The following FAT3 variants were observed in gnomAD, a reference collection of about 807,000 sequenced individuals.
FAT3 encodes the protein FAT atypical cadherin 3.
In FAT3, 95 loss-of-function variants were observed where a neutral mutation model predicts 310.2. The ratio of observed to expected loss-of-function variants is 0.31; its 90% CI spans 0.26 to 0.36. The LOEUF (loss-of-function observed/expected upper bound fraction) is 0.36. Among genes scored for constraint, FAT3 ranks in the 10% least tolerant of loss-of-function variants. The pLI is 1.00. For synonymous variants in FAT3, 2,314 were observed against 2,192.9 expected (o/e 1.06, Z -1.54); for missense variants, 5,408 against 5,715.6 (o/e 0.95, Z 1.74).
At chr11:92,578,356 C>T (rs1938601807) in intron 3 of FAT3, among the ~76,000 whole-genome samples, 1 of 152,052 alleles carries the variant, frequency 6.6e-6, no homozygotes, top group Non-Finnish European at 1.5e-5. Flanking sequence ...TCAGTGACAG[C>T]TTCTATACCC....
At chr11:92,467,338 G>T (rs964768447) in intron 2 of FAT3, among the ~76,000 whole-genome samples, 1 of 152,186 alleles carries the variant, frequency 6.6e-6, no homozygotes, top group South Asian at 2.1e-4. Context: ...GTGATGGTGA[G>T]CATTTTTTCA....
intron 1 of FAT3, among the ~76,000 whole-genome samples, chr11:92,286,047 G>A (rs550870803): frequency 6.6e-6 from 1 of 152,172 alleles, no homozygotes; most frequent in East Asian, 1.9e-4. Context: ...GCTTAAAACA[G>A]CGTGACTCCC....
chr11:92,762,130 C>G lies in FAT3; in HGVS notation c.3944C>G (p.Ser1315Cys), dbSNP rs946709924. ...FIDPKTGMVS[S>C]RKQFTAGSYD... Reference sequence around the variant, plus strand: ...GACCCTAAAACTGGGATGGTTTCTTCTAGAAAGCAGTTTACAGCAGGCAGT... The same window carrying G: ...GACCCTAAAACTGGGATGGTTTCTTGTAGAAAGCAGTTTACAGCAGGCAGT... Residue 1315 changes from serine to cysteine, a missense_variant, in exon 5 of 28, where the codon TCT (serine) becomes TGT (cysteine). Coordinates refer to ENST00000525166, the MANE Select transcript of FAT3 (RefSeq NM_001367949.2). 13 of 1,613,594 alleles carry G rather than the reference C, an allele frequency of 8.1e-6. No individual in the cohort carries two copies. Among genetic ancestry groups the G allele is most frequent in the Non-Finnish European group, 1.0e-5 (12 of 1,179,724 alleles).
chr11:92,659,073 A>T (rs777090469), intron 3 of FAT3, among the ~76,000 whole-genome samples: 1 of 152,144 alleles, frequency 6.6e-6, no homozygotes, highest in African/African-American at 2.4e-5. Context: ...ACTACATGTC[A>T]AGCTGTGTAG....
In FAT3 at chr11:92,560,950, A is replaced by G. The variant is rs78316321; in HGVS notation, c.3607+36002A>G. 5.9e-4 allele frequency among the ~76,000 whole-genome samples: 90 copies of G among 152,342 alleles called. 3 individuals are homozygous for G. The East Asian group carries it at 0.017, about 29-fold the overall frequency. On this transcript the variant is annotated intron_variant, in intron 3 of 27. Transcript: ENST00000525166. ...AGAGTATTTACTGCAAAAACTTTTC[A>G]TACTTTAAAAATGCCAAAAGAAGCT...
chr11:92,724,643 T>C (rs772268914), intron 4 of FAT3, among the ~76,000 whole-genome samples: 2 of 152,222 alleles, frequency 1.3e-5, no homozygotes, highest in Admixed American at 6.5e-5. Flanking sequence ...ATGAAGATGA[T>C]TTGGGTATGT....
At chr11:92,336,648 A>T (rs1390216810) in intron 1 of FAT3, among the ~76,000 whole-genome samples, 1 of 152,218 alleles carries the variant, frequency 6.6e-6, no homozygotes. Context: ...GGAGAGATCA[A>T]TATTATGATG....
chr11:92,453,756 GTTAA>G (rs1565328842), intron 2 of FAT3, among the ~76,000 whole-genome samples: 1 of 152,068 alleles, frequency 6.6e-6, no homozygotes, highest in Non-Finnish European at 1.5e-5. Context: ...AGTAACAACT[GTTAA>G]TTGTCTAGGT....
chr11:92,615,989 A>G (rs1490498867), intron 3 of FAT3, among the ~76,000 whole-genome samples: 1 of 152,202 alleles, frequency 6.6e-6, no homozygotes, highest in Admixed American at 6.5e-5. Context: ...GATGTCTATT[A>G]GGTCCACTTG....
intron 3 of FAT3, among the ~76,000 whole-genome samples, chr11:92,683,870 G>A (rs1327613248): frequency 6.6e-6 from 1 of 152,126 alleles, no homozygotes; most frequent in Non-Finnish European, 1.5e-5. Context: ...ATTTTCTAGT[G>A]CCAAGGCATT....
At chr11:92,578,923 G>T (rs78292415) in intron 3 of FAT3, among the ~76,000 whole-genome samples, 211 of 152,176 alleles carry the variant, frequency 1.4e-3, no homozygotes, top group African/African-American at 4.7e-3. Context: ...TTTGACAGAC[G>T]TGTTGAAAGG....
chr11:92,393,541 C>G (rs1379632351), intron 2 of FAT3, among the ~76,000 whole-genome samples: 1 of 152,112 alleles, frequency 6.6e-6, no homozygotes, highest in Non-Finnish European at 1.5e-5. Context: ...AGATCAATGA[C>G]CGACATCTCG....
intron 2 of FAT3, among the ~76,000 whole-genome samples, chr11:92,429,690 G>A (rs1950721734): frequency 6.6e-6 from 1 of 152,144 alleles, no homozygotes; most frequent in African/African-American, 2.4e-5. Context: ...TTTTAAGAAT[G>A]TTGAATATTG....
Position 92,416,254 on chromosome 11 carries a change from C to T in FAT3, c.3292+60850C>T, listed in dbSNP as rs558576409. On this transcript the variant is annotated intron_variant, in intron 2 of 27. Transcript: ENST00000525166. The stretch of plus-strand genomic sequence containing the variant: ...AAAAAAATAGCCAGGTGTGGTGGCA[C>T]GCACCTGTAACCCCAGCTACTCGGG... 2.7e-5 allele frequency among the ~76,000 whole-genome samples: 4 copies of T among 150,012 alleles called. No homozygotes were observed. In the East Asian group the frequency reaches 5.9e-4, roughly 22 times the overall value.
chr11:92,760,395 T>C (rs1393506128), intron 4 of FAT3, among the ~76,000 whole-genome samples: 1 of 152,202 alleles, frequency 6.6e-6, no homozygotes, highest in Non-Finnish European at 1.5e-5. Flanking sequence ...GGTGAAAAAA[T>C]AGCTGACCAG....
chr11:92,230,616 A>T (rs1437927620), intron 1 of FAT3, among the ~76,000 whole-genome samples: 2 of 152,154 alleles, frequency 1.3e-5, no homozygotes. Flanking sequence ...TTTTAAAAAA[A>T]TTATTTTAAA....
chr11:92,741,285 CCCA>C (rs1432310724), intron 4 of FAT3, among the ~76,000 whole-genome samples: 2 of 152,144 alleles, frequency 1.3e-5, no homozygotes, highest in Admixed American at 1.3e-4. Context: ...AGGCAATCCT[CCCA>C]CCACCACCTC....
chr11:92,555,242 C>T lies in FAT3; in HGVS notation c.3607+30294C>T, dbSNP rs548230169. Among the ~76,000 whole-genome samples, 16 of 152,224 alleles carry T rather than the reference C, an allele frequency of 1.1e-4. 2 individuals are homozygous for T. The South Asian group carries it at 2.7e-3, about 26-fold the overall frequency. ...TGCTGCGATTCTGTGATTGTCACTACAATAATGTAATAGGGATTGTATTGC... is the reference window on the plus strand; with the variant it reads ...TGCTGCGATTCTGTGATTGTCACTATAATAATGTAATAGGGATTGTATTGC... On this transcript the variant is annotated intron_variant, in intron 3 of 27. Coordinates refer to ENST00000525166, the MANE Select transcript of FAT3 (RefSeq NM_001367949.2).
intron 21 of FAT3, among the ~76,000 whole-genome samples, chr11:92,860,359 C>G (rs138125672): frequency 6.6e-6 from 1 of 152,138 alleles, no homozygotes; most frequent in Non-Finnish European, 1.5e-5. Flanking sequence ...CACTCCATGC[C>G]GTTAATCTCC....
Sources: allele counts gnomAD v4.1 joint callset (sites outside exome capture counted in the v4.1 genomes callset), GRCh38; gene constraint gnomAD v4.1.1; transcripts MANE v1.5; gene names NCBI Gene and HGNC (gene_info 2026-07-23, HGNC 2026-07-21).